The following TEX11 variants were observed in gnomAD, a reference collection of about 807,000 sequenced individuals.
TEX11 encodes testis expressed 11.
In TEX11, 7 loss-of-function variants were observed where a neutral mutation model predicts 84.4. The observed-to-expected ratio is 0.08, with a 90% confidence interval of 0.05 to 0.16. The LOEUF (loss-of-function observed/expected upper bound fraction) is 0.16, where lower values mean the gene tolerates loss of function less well. TEX11 is among the 10% of genes least tolerant of loss of function. The pLI, the probability that TEX11 is intolerant of heterozygous loss-of-function variation, is 1.00. For missense variants in TEX11, 551 were observed against 660.5 expected, an observed-to-expected ratio of 0.83 and a Z score of 1.82; for synonymous variants, 264 against 222.8, an observed-to-expected ratio of 1.18 and a Z score of -1.64.
chrX:70,854,204 G>T (rs759767654), intron 5 of TEX11, among the ~76,000 whole-genome samples: 3 of 111,691 alleles, frequency 2.7e-5, no homozygotes, highest in African/African-American at 9.8e-5. Flanking sequence ...AACATACAGA[G>T]ATACCAAATT....
At chrX:70,790,346 C>T (rs779497850) in intron 9 of TEX11, among the ~76,000 whole-genome samples, 1 of 111,478 alleles carries the variant, frequency 9.0e-6, no homozygotes, top group Non-Finnish European at 1.9e-5. Flanking sequence ...CTGGGAACTC[C>T]GCATGGAGTC....
At chrX:70,752,126 A>T (rs377404446) in intron 9 of TEX11, among the ~76,000 whole-genome samples, 2 of 112,153 alleles carry the variant, frequency 1.8e-5, no homozygotes, top group African/African-American at 3.2e-5. Flanking sequence ...TTAAAAACAC[A>T]ATAAATATGT....
intron 25 of TEX11, among the ~76,000 whole-genome samples, chrX:70,569,864 C>T (rs946492517): frequency 9.9e-5 from 11 of 111,564 alleles, no homozygotes; most frequent in African/African-American, 3.6e-4. Context: ...GTGTCAGGGA[C>T]CCACTTGAGG....
At chrX:70,847,315 G>A (rs775080480) in intron 7 of TEX11, among the ~76,000 whole-genome samples, 1 of 110,899 alleles carries the variant, frequency 9.0e-6, no homozygotes, top group Non-Finnish European at 1.9e-5. Flanking sequence ...AATACAAAAC[G>A]AACTAAGACA....
chrX:70,663,485 T>C (rs1356060112), intron 16 of TEX11, among the ~76,000 whole-genome samples: 1 of 111,503 alleles, frequency 9.0e-6, no homozygotes, highest in Non-Finnish European at 1.9e-5. Context: ...TTCCCAAGTT[T>C]AACATCCACA....
chrX:70,754,696 T>C (rs2147762301), intron 9 of TEX11, among the ~76,000 whole-genome samples: 1 of 109,452 alleles, frequency 9.1e-6, no homozygotes, highest in African/African-American at 3.3e-5. Context: ...GTCAAAGTGG[T>C]AGTGCTTGTG....
At chrX:70,769,424 G>C (rs1020235220) in intron 9 of TEX11, among the ~76,000 whole-genome samples, 2 of 111,431 alleles carry the variant, frequency 1.8e-5, no homozygotes, top group Admixed American at 9.5e-5. Context: ...ATTCCTAAAA[G>C]ACTAGAGATC....
rs145100124 is a variant in TEX11 at position 70,833,519 on chromosome X, G to A, written c.600C>T (p.Pro200=). 12 of 1,204,518 alleles carry A rather than the reference G, an allele frequency of 1.0e-5. No individual in the cohort carries two copies. The highest frequency in any genetic ancestry group is 1.1e-5 in the Non-Finnish European group (10 of 891,153). ...GAATGCAGACTTCACTCACCATCTG[G>A]GGGAGCCTCATCAACATATCTTTAC... The part of the protein sequence containing the change: ...LQCKDMLMRL[P]QMTSSLHHLC... The change falls in exon 8 of 30, where the codon CCC becomes CCT. Residue 200 remains proline (P), a synonymous_variant. Transcript: ENST00000374333.
intron 8 of TEX11, among the ~76,000 whole-genome samples, chrX:70,821,845 T>C (rs2091319744): frequency 9.0e-6 from 1 of 111,626 alleles, no homozygotes; most frequent in Non-Finnish European, 1.9e-5. Context: ...ACAATCATTA[T>C]GCAAAATAGT....
intron 7 of TEX11, among the ~76,000 whole-genome samples, chrX:70,834,243 T>A (rs1394067001): frequency 9.0e-6 from 1 of 110,738 alleles, no homozygotes; most frequent in Non-Finnish European, 1.9e-5. Flanking sequence ...TACAATCTCA[T>A]CATGAAGCCA....
chrX:70,809,763 C>T (rs955909102), intron 8 of TEX11, among the ~76,000 whole-genome samples: 1 of 110,739 alleles, frequency 9.0e-6, no homozygotes, highest in African/African-American at 3.3e-5. Context: ...GTGGTGCGTT[C>T]TCGGCTCACT....
At chrX:70,903,110 T>G (rs1007581249) in intron 2 of TEX11, among the ~76,000 whole-genome samples, 1 of 111,967 alleles carries the variant, frequency 8.9e-6, no homozygotes, top group Non-Finnish European at 1.9e-5. Flanking sequence ...TGTCACCTAC[T>G]GCGATAATAG....
intron 2 of TEX11, among the ~76,000 whole-genome samples, chrX:70,901,962 A>C (rs1249401205): frequency 8.8e-6 from 1 of 113,209 alleles, no homozygotes; most frequent in Non-Finnish European, 1.9e-5. Context: ...ATAAAAGATT[A>C]AAAATGACTG....
chrX:70,907,602 C>G, intron 2 of TEX11, 151 bp downstream of exon 2: 1 of 413,461 alleles, frequency 2.4e-6, no homozygotes. Flanking sequence ...CCATGTTGGT[C>G]AGGCTGGTCT....
At chrX:70,892,608 C>T (rs919944549) in intron 2 of TEX11, among the ~76,000 whole-genome samples, 1 of 110,291 alleles carries the variant, frequency 9.1e-6, no homozygotes, top group African/African-American at 3.3e-5. Context: ...TGGCACACGT[C>T]TGTAATCCCA....
Position 70,564,857 on chromosome X carries a change from A to G in TEX11, c.2141-10057T>C, listed in dbSNP as rs751657485. Among the ~76,000 whole-genome samples, 3 of 110,759 alleles carry G rather than the reference A, an allele frequency of 2.7e-5. No homozygotes were observed. The East Asian group carries it at 8.5e-4, about 31-fold the overall frequency. ...CTTTCCTATTGTGAATAGTGCCACA[A>G]TAAACATACGTGTGCATGTGTCTTT... On this transcript the variant is annotated intron_variant, in intron 25 of 29. Coordinates refer to ENST00000374333, the MANE Select transcript of TEX11 (RefSeq NM_031276.3).
intron 12 of TEX11, among the ~76,000 whole-genome samples, chrX:70,723,892 T>C (rs1359637874): frequency 2.7e-5 from 3 of 111,772 alleles, no homozygotes; most frequent in Non-Finnish European, 5.6e-5. Context: ...AATGCAAGTT[T>C]CATATATTCT....
At chrX:70,834,459 T>C (rs960823601) in intron 7 of TEX11, among the ~76,000 whole-genome samples, 1 of 111,003 alleles carries the variant, frequency 9.0e-6, no homozygotes, top group Non-Finnish European at 1.9e-5. Context: ...GTTTCAGCCA[T>C]TGAAGAACTT....
Position 70,623,856 on chromosome X carries a change from C to T in TEX11, c.1751+94G>A. On this transcript the variant is annotated intron_variant, in intron 20 of 29. Transcript: ENST00000374333. ...CCCCAAAACCTGTATTGATCTTACC[C>T]ACTACACTAAGTATCTCTGAATATA... 3 of 760,502 alleles carry T rather than the reference C, an allele frequency of 3.9e-6. 1 individual carries two copies. The highest frequency in any genetic ancestry group is 5.7e-6 in the Non-Finnish European group (3 of 530,843). The allele number at this position is 760,502 out of a possible 1,213,427, so 62.7% of individuals were successfully genotyped here.
Sources: allele counts gnomAD v4.1 joint callset (sites outside exome capture counted in the v4.1 genomes callset), GRCh38; gene constraint gnomAD v4.1.1; transcripts MANE v1.5; gene names NCBI Gene and HGNC (gene_info 2026-07-23, HGNC 2026-07-21).